GNAI1: variants seen among roughly 807,000 people sequenced by gnomAD.
GNAI1 encodes G protein subunit alpha i1.
A neutral mutation model predicts 38.9 loss-of-function variants in GNAI1; 11 were observed. The observed-to-expected ratio is 0.28, with a 90% CI of 0.18 to 0.47. The LOEUF is 0.47. Among genes scored for constraint, GNAI1 ranks in the 20% least tolerant of loss-of-function variants. The probability of loss-of-function intolerance (pLI) is 0.99; values close to 1 mark genes in which losing one functional copy is unlikely to be tolerated. For synonymous variants in GNAI1, 166 were observed against 145.1 expected (o/e 1.14, Z -1.04); for missense variants, 317 against 436.9 (o/e 0.73, Z 2.45).
chr7:80,156,624 G>A (rs1787823199), intron 1 of GNAI1, among the ~76,000 whole-genome samples: 1 of 151,974 alleles, frequency 6.6e-6, no homozygotes, highest in African/African-American at 2.4e-5. Context: ...CGTAGAGGTG[G>A]TATCTTGCTC....
In GNAI1 at chr7:80,221,569, C is replaced by T. The variant is rs944488066; in HGVS notation, c.*4076C>T. Among the ~76,000 whole-genome samples the T allele has an allele frequency of 8.1e-5, 12 of 148,120 alleles. No homozygotes were observed. Among genetic ancestry groups the T allele is most frequent in the African/African-American group, 2.7e-4 (11 of 40,170 alleles). On this transcript the variant is annotated 3_prime_UTR_variant, in exon 8 of 8. Coordinates refer to ENST00000649796, the MANE Select transcript of GNAI1 (RefSeq NM_002069.6). Reference sequence around the variant, plus strand: ...GCAATCTCTAATCAACTTGAGGACACTTCTGTCGTTTTAATGTAACCAATA... The same window carrying T: ...GCAATCTCTAATCAACTTGAGGACATTTCTGTCGTTTTAATGTAACCAATA...
rs1789101263 is a variant in GNAI1, at chr7:80,222,721, T to G, written c.*5228T>G. Among the ~76,000 whole-genome samples the G allele has an allele frequency of 6.6e-6, 1 of 152,034 alleles. No individual in the cohort carries two copies. Among genetic ancestry groups the G allele is most frequent in the Non-Finnish European group, 1.5e-5 (1 of 68,002 alleles). On this transcript the variant is annotated 3_prime_UTR_variant, in exon 8 of 8. Transcript: ENST00000649796. ...TTAATTGATTAAAAATGAGATAATT[T>G]GAGGAAACATGCATAGAATACTAGA...
intron 1 of GNAI1, among the ~76,000 whole-genome samples, chr7:80,178,835 A>C (rs1375949352): frequency 2.6e-5 from 4 of 152,298 alleles, no homozygotes; most frequent in Admixed American, 1.3e-4. Flanking sequence ...CTTCATAGAA[A>C]TCGTTTCAGA....
At chr7:80,137,193 G>GTTGA (rs1302616212) in intron 1 of GNAI1, among the ~76,000 whole-genome samples, 1 of 150,550 alleles carries the variant, frequency 6.6e-6, no homozygotes, top group East Asian at 1.9e-4. Context: ...AGAACCAGAA[G>GTTGA]TTGAATCTTG....
intron 7 of GNAI1, among the ~76,000 whole-genome samples, chr7:80,214,717 T>G (rs769351930): frequency 2.6e-5 from 4 of 152,214 alleles, no homozygotes; most frequent in Non-Finnish European, 4.4e-5. Context: ...AAGAACCCTG[T>G]GTAGCCCCTA....
chr7:80,212,168 G>A (rs1391235770), intron 6 of GNAI1, among the ~76,000 whole-genome samples: 2 of 152,034 alleles, frequency 1.3e-5, no homozygotes, highest in Admixed American at 6.6e-5. Context: ...AACACCACAT[G>A]TTCATTTCTT....
intron 1 of GNAI1, among the ~76,000 whole-genome samples, chr7:80,172,508 T>C (rs1788113390): frequency 1.3e-5 from 2 of 152,212 alleles, no homozygotes; most frequent in Admixed American, 6.5e-5. Context: ...CAAAAACATA[T>C]GCTTCTATTC....
intron 3 of GNAI1, among the ~76,000 whole-genome samples, chr7:80,189,942 CT>C (rs1178872312): frequency 5.3e-5 from 8 of 150,792 alleles, no homozygotes; most frequent in East Asian, 1.9e-4. Flanking sequence ...CCTTTGTTTT[CT>C]TTTTTTTTCT....
chr7:80,169,376 A>G lies in GNAI1; in HGVS notation c.119-19575A>G, dbSNP rs147172835. Among the ~76,000 whole-genome samples, 64 of 152,336 alleles carry G rather than the reference A, an allele frequency of 4.2e-4. 1 individual carries two copies. The East Asian group carries it at 0.012, about 28-fold the overall frequency. On this transcript the variant is annotated intron_variant, in intron 1 of 7. Transcript: ENST00000649796. ...TATCATTTTAAAGTAATAGACATGT[A>G]TCATTTTCTCATATCAAACACCACC... is the stretch of plus-strand genomic sequence containing the variant.
At chr7:80,199,178 C>T in intron 3 of GNAI1, 47 bp from the exon 4 acceptor site, 7 of 1,342,540 alleles carry the variant, frequency 5.2e-6, no homozygotes, top group South Asian at 1.6e-5. Context: ...TACTTTTTAT[C>T]TCTGACGTAT....
At chr7:80,195,184 T>A (rs1282084079) in intron 3 of GNAI1, among the ~76,000 whole-genome samples, 2 of 151,800 alleles carry the variant, frequency 1.3e-5, no homozygotes. Flanking sequence ...TATCTATACA[T>A]GTATAAGATT....
At chr7:80,197,471 A>G (rs1181685623) in intron 3 of GNAI1, among the ~76,000 whole-genome samples, 2 of 152,014 alleles carry the variant, frequency 1.3e-5, no homozygotes, top group Non-Finnish European at 2.9e-5. Flanking sequence ...AAGACGTCGT[A>G]ATGAAAGCTC....
chr7:80,172,623 T>G (rs1025285899), intron 1 of GNAI1, among the ~76,000 whole-genome samples: 1 of 152,188 alleles, frequency 6.6e-6, no homozygotes, highest in Non-Finnish European at 1.5e-5. Context: ...TTCTGTTTCT[T>G]TCAAGTGAGA....
intron 1 of GNAI1, among the ~76,000 whole-genome samples, chr7:80,138,590 G>C (rs1274436075): frequency 6.6e-6 from 1 of 152,160 alleles, no homozygotes; most frequent in African/African-American, 2.4e-5. Context: ...TTTAAGGGCA[G>C]TAAGATTAAG....
intron 1 of GNAI1, among the ~76,000 whole-genome samples, chr7:80,179,197 A>G (rs569540089): frequency 6.6e-6 from 1 of 152,348 alleles, no homozygotes; most frequent in East Asian, 1.9e-4. Flanking sequence ...GTGTTATGAT[A>G]ACTAATCAAG....
At position 80,219,915 on chromosome 7, in the gene GNAI1, GTTTT is replaced by G. The variant is rs2115735640; in HGVS notation, c.*2425_*2428del. Among the ~76,000 whole-genome samples the G allele has an allele frequency of 6.6e-6, 1 of 152,202 alleles. No individual in the cohort carries two copies. The highest frequency in any genetic ancestry group is 2.4e-5 in the African/African-American group (1 of 41,530). ...GACAGTTCTACAAAGCCTTAAATCT[GTTTT>G]TTGTTTGTTTTCCTTTCTATTCCTA... On this transcript the variant is annotated 3_prime_UTR_variant, in exon 8 of 8. Coordinates refer to ENST00000649796, the MANE Select transcript of GNAI1 (RefSeq NM_002069.6).
intron 3 of GNAI1, among the ~76,000 whole-genome samples, chr7:80,194,063 G>A (rs1484598291): frequency 6.6e-6 from 1 of 152,116 alleles, no homozygotes; most frequent in Non-Finnish European, 1.5e-5. Context: ...TGCCGGATTT[G>A]CTAGATTGTC....
At position 80,205,817 on chromosome 7, in the gene GNAI1, G is replaced by A. The variant is rs914168244; in HGVS notation, c.590+1985G>A. On this transcript the variant is annotated intron_variant, in intron 5 of 7. Transcript: ENST00000649796. Reference sequence around the variant, plus strand: ...GTTTGCAAATGGAGTATCCCATGTCGTTATTGAAATTATTTTGTCTTTTTT... The same window carrying A: ...GTTTGCAAATGGAGTATCCCATGTCATTATTGAAATTATTTTGTCTTTTTT... 1.4e-4 allele frequency among the ~76,000 whole-genome samples: 22 copies of A among 152,092 alleles called. No individual in the cohort carries two copies. The South Asian group carries it at 3.3e-3, about 23-fold the overall frequency.
intron 1 of GNAI1, among the ~76,000 whole-genome samples, chr7:80,158,581 A>G (rs189105222): frequency 3.9e-5 from 6 of 152,126 alleles, no homozygotes; most frequent in Admixed American, 3.9e-4. Flanking sequence ...TCCTGCTGCT[A>G]TGTGAAGGAT....
Sources: allele counts gnomAD v4.1 joint callset (sites outside exome capture counted in the v4.1 genomes callset), GRCh38; gene constraint gnomAD v4.1.1; transcripts MANE v1.5; gene names NCBI Gene and HGNC (gene_info 2026-07-23, HGNC 2026-07-21).